Variants in ABLIM1 observed in about 807,000 individuals in gnomAD.
ABLIM1 encodes the protein actin-binding LIM protein 1.
Under a neutral mutation model 107.0 loss-of-function variants are expected in ABLIM1, and 40 were observed. The observed-to-expected ratio is 0.37, with a 90% confidence interval of 0.29 to 0.49. The LOEUF (loss-of-function observed/expected upper bound fraction) is 0.49, where lower values mean the gene tolerates loss of function less well. Ranked by LOEUF, ABLIM1 falls within the 20% of genes least tolerant of loss-of-function variation. The pLI is 0.97. For synonymous variants in ABLIM1, 357 were observed against 357.3 expected, an observed-to-expected ratio of 1.00 and a Z score of 0.01; for missense variants, 857 against 1,008.5, an observed-to-expected ratio of 0.85 and a Z score of 2.04.
intron 6 of ABLIM1, among the ~76,000 whole-genome samples, chr10:114,496,435 T>A (rs1481668754): frequency 2.1e-5 from 3 of 146,108 alleles, no homozygotes; most frequent in Non-Finnish European, 4.5e-5. Context: ...CACTTACAAG[T>A]GGGAGCTGAA....
At position 114,588,487 on chromosome 10, in the gene ABLIM1, C is replaced by CTTT. The variant is rs34043960; in HGVS notation, c.380-12891_380-12889dup. Among the ~76,000 whole-genome samples the CTTT allele has an allele frequency of 4.2e-3, 322 of 76,500 alleles. 1 individual carries two copies. Among genetic ancestry groups the CTTT allele is most frequent in the African/African-American group, 9.1e-3 (166 of 18,340 alleles). The allele number at this position is 76,500 out of a possible 152,430, so 50.2% of individuals were successfully genotyped here. A position where few individuals can be genotyped will look rare whatever the true frequency, so the allele number is the denominator to read the frequency against. On this transcript the variant is annotated intron_variant, in intron 2 of 22. Coordinates refer to ENST00000533213, the MANE Select transcript of ABLIM1 (RefSeq NM_002313.7). Reference sequence around the variant, plus strand: ...CTCCTTTTTTTCTTTTTCTTTCTTTCTTTTTTTTTTTTTTTTTTTTTTTTT... The same window carrying CTTT: ...CTCCTTTTTTTCTTTTTCTTTCTTTCTTTTTTTTTTTTTTTTTTTTTTTTTTTT...
intron 6 of ABLIM1, among the ~76,000 whole-genome samples, chr10:114,528,712 C>T (rs2065137495): frequency 6.6e-6 from 1 of 152,124 alleles, no homozygotes; most frequent in African/African-American, 2.4e-5. Flanking sequence ...AGAATCCATA[C>T]TTCATTATTT....
At chr10:114,679,181 G>A (rs1233004798) in intron 1 of ABLIM1, among the ~76,000 whole-genome samples, 1 of 152,194 alleles carries the variant, frequency 6.6e-6, no homozygotes, top group African/African-American at 2.4e-5. Context: ...GAAAGAAAGA[G>A]AAAGAAAGCA....
At chr10:114,769,172 G>GA (rs35691537), upstream of ABLIM1, among the ~76,000 whole-genome samples, 4,691 of 46,500 alleles carry the variant, frequency 0.1, 320 homozygotes, top group East Asian at 0.37. Flanking sequence ...TGTCTTCAAT[G>GA]AAAAAAAAAA....
rs191468888 is a variant in ABLIM1, at chr10:114,547,736, C to T, written c.714G>A (p.Ala238=). The T allele has an allele frequency of 3.1e-5, 50 of 1,612,980 alleles. No homozygotes were observed. Among genetic ancestry groups the T allele is most frequent in the Admixed American group, 2.8e-4 (17 of 60,026 alleles). The change falls in exon 5 of 23, where the codon GCG becomes GCA. Residue 238 remains alanine, a synonymous_variant. Transcript: ENST00000533213. ...GCCACTGCTTATCCAGCGCCAGCAG[C>T]GCCTGCCCATTCTTGATATCTCTTC... The part of the protein sequence containing the change: ...GCGRDIKNGQ[A]LLALDKQWHL...
At chr10:114,546,289 TTTTC>T (rs1417445166) in intron 5 of ABLIM1, among the ~76,000 whole-genome samples, 12 of 148,554 alleles carry the variant, frequency 8.1e-5, no homozygotes, top group African/African-American at 1.7e-4. Context: ...TTGCCTTTTC[TTTTC>T]TTTCTTTTTT....
chr10:114,487,933 C>A (rs1351245485), intron 8 of ABLIM1, 25 bp downstream of exon 8: 2 of 1,613,430 alleles, frequency 1.2e-6, no homozygotes, highest in South Asian at 2.2e-5. Context: ...ATGCAGCTGG[C>A]ATCATGTTTT....
At chr10:114,507,730 G>T (rs555727027) in intron 6 of ABLIM1, among the ~76,000 whole-genome samples, 1 of 152,176 alleles carries the variant, frequency 6.6e-6, no homozygotes, top group African/African-American at 2.4e-5. Context: ...AGACTCAAGG[G>T]AGACAGCCCA....
intron 6 of ABLIM1, among the ~76,000 whole-genome samples, chr10:114,502,950 G>T (rs1007250397): frequency 2.0e-5 from 3 of 152,134 alleles, no homozygotes; most frequent in African/African-American, 4.8e-5. Context: ...CAATCACTAT[G>T]TTGACTTCTA....
intron 1 of ABLIM1, among the ~76,000 whole-genome samples, chr10:114,751,509 T>A (rs768823899): frequency 4.6e-5 from 7 of 151,746 alleles, no homozygotes; most frequent in Non-Finnish European, 1.0e-4. Flanking sequence ...ATACAACACT[T>A]TGGGAGGCTG....
At chr10:114,574,426 C>A (rs1368584305) in intron 3 of ABLIM1, among the ~76,000 whole-genome samples, 2 of 151,864 alleles carry the variant, frequency 1.3e-5, no homozygotes, top group Non-Finnish European at 2.9e-5. Context: ...TCTGACTGAT[C>A]ATTTTATTAT....
chr10:114,693,797 G>A (rs1046656624), intron 1 of ABLIM1, among the ~76,000 whole-genome samples: 3 of 150,966 alleles, frequency 2.0e-5, no homozygotes, highest in African/African-American at 7.3e-5. Context: ...ACAGGCACAT[G>A]CTACCATGCC....
intron 1 of ABLIM1, among the ~76,000 whole-genome samples, chr10:114,697,033 T>G (rs1256642188): frequency 6.6e-6 from 1 of 152,208 alleles, no homozygotes; most frequent in African/African-American, 2.4e-5. Context: ...CAATAAGAAC[T>G]AGAATTCACA....
At chr10:114,538,892 A>G (rs2066326659) in intron 6 of ABLIM1, among the ~76,000 whole-genome samples, 1 of 152,242 alleles carries the variant, frequency 6.6e-6, no homozygotes, top group Admixed American at 6.5e-5. Flanking sequence ...TGAGAGGCCA[A>G]GAGAAAGTCA....
upstream of ABLIM1, among the ~76,000 whole-genome samples, chr10:114,660,474 A>G (rs2079743795): frequency 6.8e-6 from 1 of 147,958 alleles, no homozygotes; most frequent in African/African-American, 2.5e-5. Context: ...AAAGAAATAC[A>G]ACTGGAAAAA....
chr10:114,622,252 T>TTC (rs1555207705), intron 1 of ABLIM1, among the ~76,000 whole-genome samples: 3 of 150,812 alleles, frequency 2.0e-5, no homozygotes, highest in African/African-American at 7.3e-5. Context: ...TTTTTCTTTT[T>TTC]TTTTTTTTTT....
intron 2 of ABLIM1, among the ~76,000 whole-genome samples, chr10:114,580,793 C>T (rs929061568): frequency 2.0e-5 from 3 of 152,106 alleles, no homozygotes; most frequent in African/African-American, 7.2e-5. Flanking sequence ...TAAATGATCA[C>T]AAACATCTCA....
At position 114,619,113 on chromosome 10, in the gene ABLIM1, C is replaced by CT. The variant is rs1313960781; in HGVS notation, c.245-17153dup. On this transcript the variant is annotated intron_variant, in intron 1 of 22. Transcript: ENST00000533213. This position sits in a 1 kb window ranked among gnomAD's most constrained non-coding sequence, Gnocchi z 4.1. ...CATGGAAGGCCTGCTGACAACTCAC[C>CT]TTTTGGACATTCCTGAGGGAGGGGT... Among the ~76,000 whole-genome samples the CT allele has an allele frequency of 1.3e-5, 2 of 151,966 alleles. No homozygotes were observed. Among genetic ancestry groups the CT allele is most frequent in the African/African-American group, 4.8e-5 (2 of 41,382 alleles).
At chr10:114,756,047 A>G (rs1375582714) in intron 1 of ABLIM1, among the ~76,000 whole-genome samples, 1 of 150,920 alleles carries the variant, frequency 6.6e-6, no homozygotes, top group East Asian at 2.0e-4. Context: ...TAAATACTTA[A>G]TTATTTAATC....
Sources: gnomAD v4.1 joint callset for allele counts (sites outside exome capture counted in the v4.1 genomes callset) on GRCh38, gnomAD v4.1.1 for gene constraint, Gnocchi (gnomAD v3.1) non-coding constraint, MANE v1.5 for transcripts, NCBI Gene and HGNC (gene_info 2026-07-23, HGNC 2026-07-21) for gene names.